The following FARS2 variants were observed in gnomAD, a reference collection of about 807,000 sequenced individuals.
The protein encoded by FARS2 is phenylalanyl-tRNA synthetase 2, mitochondrial, also known as phenylalanine--tRNA ligase, mitochondrial.
In FARS2, 40 loss-of-function variants were observed where a neutral mutation model predicts 46.4. The ratio of observed to expected loss-of-function variants is 0.86; its 90% CI spans 0.67 to 1.12. The LOEUF (loss-of-function observed/expected upper bound fraction) is 1.12. FARS2 is among the 50% of genes most tolerant of loss of function. The probability of loss-of-function intolerance (pLI) is 0.00; values close to 1 mark genes in which losing one functional copy is unlikely to be tolerated. For synonymous variants in FARS2, 234 were observed against 214.9 expected, an observed-to-expected ratio of 1.09 and a Z score of -0.78; for missense variants, 513 against 567.9, an observed-to-expected ratio of 0.90 and a Z score of 0.98.
At chr6:5,617,080 G>A (rs769994192) in intron 6 of FARS2, among the ~76,000 whole-genome samples, 1 of 151,942 alleles carries the variant, frequency 6.6e-6, no homozygotes, top group Non-Finnish European at 1.5e-5. Context: ...TTGGGGTCCT[G>A]TGGACCCAGG....
At chr6:5,599,486 T>C (rs1217788492) in intron 5 of FARS2, among the ~76,000 whole-genome samples, 1 of 152,120 alleles carries the variant, frequency 6.6e-6, no homozygotes, top group Non-Finnish European at 1.5e-5. Context: ...AAAGATTAAG[T>C]GTTTGGTAAG....
At chr6:5,680,468 G>T (rs1201650977) in intron 6 of FARS2, among the ~76,000 whole-genome samples, 1 of 152,166 alleles carries the variant, frequency 6.6e-6, no homozygotes, top group Non-Finnish European at 1.5e-5. Flanking sequence ...AACGCTAAAT[G>T]AGAATTATGA....
chr6:5,678,836 C>G (rs537695881), intron 6 of FARS2, among the ~76,000 whole-genome samples: 1 of 152,160 alleles, frequency 6.6e-6, no homozygotes, highest in African/African-American at 2.4e-5. Context: ...CCCTCTTTCT[C>G]CAAAGTTTTG....
chr6:5,261,111 G>A, upstream of FARS2: 2 of 239,564 alleles, frequency 8.3e-6, no homozygotes, highest in Non-Finnish European at 7.0e-6. Context: ...CCTGGCGGAC[G>A]GATATCGGAG....
chr6:5,636,460 G>C (rs922992543), intron 6 of FARS2, among the ~76,000 whole-genome samples: 2 of 152,226 alleles, frequency 1.3e-5, no homozygotes, highest in African/African-American at 4.8e-5. Flanking sequence ...AGTCTCTGCT[G>C]ATTGGACCCG....
chr6:5,715,460 G>A (rs549887565), intron 6 of FARS2, among the ~76,000 whole-genome samples: 1 of 152,232 alleles, frequency 6.6e-6, no homozygotes, highest in Non-Finnish European at 1.5e-5. Flanking sequence ...CCCTTTCCCT[G>A]CCACTGCCCC....
At position 5,729,443 on chromosome 6, in the gene FARS2, C is replaced by G. The variant is rs114999991; in HGVS notation, c.1218-41848C>G. Among the ~76,000 whole-genome samples the G allele has an allele frequency of 5.3e-3, 812 of 152,256 alleles. 10 individuals carry two copies. The highest frequency in any genetic ancestry group is 0.019 in the African/African-American group (774 of 41,562). On this transcript the variant is annotated intron_variant, in intron 6 of 6. Transcript: ENST00000274680. ...GGGGCTGAGGACACTGGAGTGGGGT[C>G]ACTGGAGGAAATGGGCAAAGGCAGC...
intron 6 of FARS2, among the ~76,000 whole-genome samples, chr6:5,742,688 T>C (rs554067603): frequency 1.8e-4 from 28 of 152,162 alleles, no homozygotes; most frequent in African/African-American, 6.5e-4. Context: ...TGCCTCTTGC[T>C]TTTTGAGTGT....
At position 5,727,901 on chromosome 6, in the gene FARS2, C is replaced by T. The variant is rs186145564; in HGVS notation, c.1218-43390C>T. Among the ~76,000 whole-genome samples the T allele has an allele frequency of 2.0e-5, 3 of 152,264 alleles. No individual in the cohort carries two copies. The highest frequency in any genetic ancestry group is 1.9e-4 in the East Asian group (1 of 5,188). On this transcript the variant is annotated intron_variant, in intron 6 of 6. Coordinates refer to ENST00000274680, the MANE Select transcript of FARS2 (RefSeq NM_006567.5). This position sits in a 1 kb window ranked among gnomAD's most constrained non-coding sequence, Gnocchi z 4.1. ...GCCTCAAGGCAAAGGTTGAGTTGCC[C>T]GTGCAGCTGGGAGGGCCACCAGGTG...
At chr6:5,717,935 T>TATATATATAGAGAGAGAGAGAG (rs546191530) in intron 6 of FARS2, among the ~76,000 whole-genome samples, 2 of 135,628 alleles carry the variant, frequency 1.5e-5, no homozygotes, top group African/African-American at 6.1e-5. Flanking sequence ...TATATATATA[T>TATATATATAGAGAGAGAGAGAG]ACAGAGTCTC....
chr6:5,429,943 T>C (rs1313661161), intron 3 of FARS2, among the ~76,000 whole-genome samples: 1 of 152,158 alleles, frequency 6.6e-6, no homozygotes, highest in Non-Finnish European at 1.5e-5. Flanking sequence ...TTTTTTTTTT[T>C]TCCCGAATCT....
intron 6 of FARS2, among the ~76,000 whole-genome samples, chr6:5,618,913 T>C (rs1775618711): frequency 6.6e-6 from 1 of 152,230 alleles, no homozygotes; most frequent in Non-Finnish European, 1.5e-5. Context: ...GGCAATCATG[T>C]ATGTCAGTAT....
At chr6:5,347,759 C>T (rs1024122963) in intron 1 of FARS2, among the ~76,000 whole-genome samples, 3 of 152,180 alleles carry the variant, frequency 2.0e-5, no homozygotes, top group African/African-American at 4.8e-5. Flanking sequence ...CATTTTACAA[C>T]GTCACCAACA....
chr6:5,407,057 ATATATATAT>A (rs1761650262), intron 3 of FARS2, among the ~76,000 whole-genome samples: 2 of 139,180 alleles, frequency 1.4e-5, no homozygotes, highest in East Asian at 2.2e-4. Flanking sequence ...ATATATATAT[ATATATATAT>A]AATGACCAAT....
At chr6:5,650,266 T>C (rs1469352744) in intron 6 of FARS2, among the ~76,000 whole-genome samples, 8 of 149,878 alleles carry the variant, frequency 5.3e-5, no homozygotes, top group South Asian at 4.2e-4. Context: ...TTTCTTTTTT[T>C]TTTTTTTTTT....
upstream of FARS2, among the ~76,000 whole-genome samples, chr6:5,259,819 A>G (rs1375120840): frequency 6.6e-6 from 1 of 152,162 alleles, no homozygotes; most frequent in Non-Finnish European, 1.5e-5. Context: ...AAAACAAAAA[A>G]CAAATCTAAA....
chr6:5,585,555 T>G (rs1227145160), intron 5 of FARS2, among the ~76,000 whole-genome samples: 1 of 152,078 alleles, frequency 6.6e-6, no homozygotes, highest in African/African-American at 2.4e-5. Context: ...CTCATGTAAG[T>G]GAGATCATGT....
intron 6 of FARS2, among the ~76,000 whole-genome samples, chr6:5,702,190 T>C (rs1181740057): frequency 1.3e-5 from 2 of 152,220 alleles, no homozygotes; most frequent in Non-Finnish European, 2.9e-5. Context: ...TTTTTAAATA[T>C]TTCATTCAGA....
intron 5 of FARS2, among the ~76,000 whole-genome samples, chr6:5,552,110 A>G (rs1034254829): frequency 1.3e-5 from 2 of 152,178 alleles, no homozygotes; most frequent in African/African-American, 4.8e-5. Context: ...TTCAGATATA[A>G]TAGAGTGGTT....
Sources: gnomAD v4.1 joint callset for allele counts (sites outside exome capture counted in the v4.1 genomes callset) on GRCh38, gnomAD v4.1.1 for gene constraint, Gnocchi (gnomAD v3.1) non-coding constraint, MANE v1.5 for transcripts, NCBI Gene and HGNC (gene_info 2026-07-23, HGNC 2026-07-21) for gene names.